The following PLAA variants were observed in gnomAD, a reference collection of about 807,000 sequenced individuals.
PLAA encodes the protein phospholipase A-2-activating protein.
PLAA carries 48 observed loss-of-function variants against 84.1 expected under a neutral mutation model. The ratio of observed to expected loss-of-function variants is 0.57; its 90% CI spans 0.45 to 0.73. The LOEUF is 0.73. Ranked by LOEUF, PLAA falls within the 30% of genes least tolerant of loss-of-function variation. PLAA has a pLI of 0.00. For synonymous variants in PLAA, 392 were observed against 336.6 expected (o/e 1.16, Z -1.80); for missense variants, 903 against 954.7 (o/e 0.95, Z 0.71).
At position 26,905,153 on chromosome 9, in the gene PLAA, T is replaced by C. The variant is rs181891313; in HGVS notation, c.*358A>G. The C allele has an allele frequency of 2.8e-3, 515 of 182,054 alleles. 2 individuals are homozygous for C. Among genetic ancestry groups the C allele is most frequent in the Middle Eastern group, 0.013 (5 of 400 alleles). 11.3% of individuals were successfully genotyped at this position (182,054 alleles called of 1,614,324 possible). ...GGTGGAGAAGTTAAATAAAAGATAA[T>C]TGACAACAACAGTTTGGTGTACATT... On this transcript the variant is annotated 3_prime_UTR_variant, in exon 14 of 14. Transcript: ENST00000397292.
intron 13 of PLAA, among the ~76,000 whole-genome samples, chr9:26,906,417 A>G (rs1824237364): frequency 1.4e-5 from 2 of 147,944 alleles, no homozygotes; most frequent in African/African-American, 5.0e-5. Flanking sequence ...TTAAACAGGG[A>G]AAGTTCTTTT....
intron 11 of PLAA, among the ~76,000 whole-genome samples, chr9:26,912,371 T>C (rs1399359462): frequency 6.6e-6 from 1 of 152,110 alleles, no homozygotes; most frequent in East Asian, 1.9e-4. Flanking sequence ...ATGAGGAATG[T>C]GGGGCAAGGC....
At position 26,910,428 on chromosome 9, in the gene PLAA, A is replaced by G. The variant is rs373582820; in HGVS notation, c.1567T>C (p.Tyr523His). 13 of 1,611,064 alleles carry G rather than the reference A, an allele frequency of 8.1e-6. 1 individual carries two copies. The African/African-American group carries it at 1.6e-4, about 20-fold the overall frequency. Residue 523 changes from tyrosine (Y) to histidine (H), a missense_variant, in exon 12 of 14, where the codon TAC becomes CAC. Coordinates refer to ENST00000397292, the MANE Select transcript of PLAA (RefSeq NM_001031689.3). ...GVDPFTGNSAYRSAASKTMNI... is the reference protein window; with the variant it reads ...GVDPFTGNSAHRSAASKTMNI... ...ATTGTTTTAGATGCAGCTGATCGGT[A>G]GGCACTATTCCCTATTTAAAGAATA...
intron 10 of PLAA, chr9:26,916,611 C>T: frequency 1.0e-6 from 1 of 989,036 alleles, no homozygotes; most frequent in South Asian, 4.7e-5. Flanking sequence ...CATCCAATAT[C>T]AGGGCTCACA....
At chr9:26,906,831 T>C (rs544301565) in intron 13 of PLAA, among the ~76,000 whole-genome samples, 1 of 152,114 alleles carries the variant, frequency 6.6e-6, no homozygotes, top group African/African-American at 2.4e-5. Flanking sequence ...TCTGAATGAA[T>C]GCACAAAATA....
rs1298236500 is a variant in PLAA, at chr9:26,904,920, T to C, written c.*591A>G. ...TACATGACTAACACAGCTTACCAAC[T>C]GGCTTTTTCTTCATCTAAAAATAGG... On this transcript the variant is annotated 3_prime_UTR_variant, in exon 14 of 14. Coordinates refer to ENST00000397292, the MANE Select transcript of PLAA (RefSeq NM_001031689.3). The C allele has an allele frequency of 1.3e-5, 2 of 152,196 alleles. No homozygotes were observed. The highest frequency in any genetic ancestry group is 2.9e-5 in the Non-Finnish European group (2 of 67,996). 9.4% of individuals were successfully genotyped at this position (152,196 alleles called of 1,614,324 possible).
intron 1 of PLAA, 129 bp from the exon 2 acceptor site, chr9:26,935,335 A>G (rs1169430834): frequency 1.2e-5 from 6 of 500,282 alleles, no homozygotes; most frequent in Non-Finnish European, 1.7e-5. Context: ...TTAAGAATCT[A>G]TTGTTTTAAA....
chr9:26,935,281 C>T (rs1179609230), intron 1 of PLAA, 75 bp from the exon 2 acceptor site: 2 of 905,572 alleles, frequency 2.2e-6, no homozygotes, highest in African/African-American at 3.5e-5. Flanking sequence ...TCAAAGCACT[C>T]ATTTTCATTT....
Position 26,935,150 on chromosome 9 carries a change from G to C in PLAA, c.206C>G (p.Ser69Cys), listed in dbSNP as rs778026029. The change falls in exon 2 of 14, where the codon TCT (serine) becomes TGT (cysteine). Residue 69 changes from serine to cysteine, a missense_variant. Transcript: ENST00000397292. ...HCMSGHSNFV[S>C]CVCIIPSSDI... Reference sequence around the variant, plus strand: ...ACTTGAGGGTATGATGCATACACAAGATACAAAATTGGAATGGCCACTCAT... The same window carrying C: ...ACTTGAGGGTATGATGCATACACAACATACAAAATTGGAATGGCCACTCAT... The C allele has an allele frequency of 1.9e-6, 3 of 1,598,112 alleles. No individual in the cohort carries two copies. The highest frequency in any genetic ancestry group is 2.3e-5 in the South Asian group (2 of 87,306).
chr9:26,914,073 G>A (rs1824480808), intron 10 of PLAA, 126 bp from the exon 11 acceptor site: 2 of 646,024 alleles, frequency 3.1e-6, no homozygotes, highest in East Asian at 2.7e-5. Context: ...TAATAAATAT[G>A]CCACAAATTT....
At position 26,946,911 on chromosome 9, in the gene PLAA, G is replaced by A. The variant is rs760231642; in HGVS notation, c.135C>T (p.Leu45=). 1.8e-5 allele frequency: 29 copies of A among 1,577,452 alleles called. No homozygotes were observed. Among genetic ancestry groups the A allele is most frequent in the Non-Finnish European group, 2.3e-5 (27 of 1,160,906 alleles). ...VSVSRDRTTR[L]WAPDSPNRSF... ...CCAGCGCTCACCTGTCTGGGGCCCA[G>A]AGGCGGGTGGTGCGGTCTCGGGACA... Residue 45 remains leucine (L), a synonymous_variant, in exon 1 of 14, where the codon CTC becomes CTT. Coordinates refer to ENST00000397292, the MANE Select transcript of PLAA (RefSeq NM_001031689.3).
intron 2 of PLAA, among the ~76,000 whole-genome samples, chr9:26,929,064 C>T (rs922665956): frequency 1.3e-5 from 2 of 151,850 alleles, no homozygotes; most frequent in African/African-American, 4.8e-5. Flanking sequence ...CTGGGTGTGG[C>T]GGTATGCGCC....
intron 10 of PLAA, chr9:26,916,053 T>C (rs1332511847): frequency 4.1e-6 from 4 of 985,312 alleles, no homozygotes; most frequent in Non-Finnish European, 3.6e-6. Context: ...ATTATTTTCA[T>C]TTACTTGTTA....
At chr9:26,938,562 A>G (rs1367266821) in intron 1 of PLAA, among the ~76,000 whole-genome samples, 1 of 151,602 alleles carries the variant, frequency 6.6e-6, no homozygotes, top group Non-Finnish European at 1.5e-5. Flanking sequence ...CTTAAAAAAA[A>G]AAAAAAAAAA....
At chr9:26,927,403 G>A (rs986128176) in intron 4 of PLAA, among the ~76,000 whole-genome samples, 3 of 152,090 alleles carry the variant, frequency 2.0e-5, no homozygotes, top group African/African-American at 7.2e-5. Flanking sequence ...GATTACAGTT[G>A]TGAGTCACTG....
chr9:26,939,425 A>G (rs1825455025), intron 1 of PLAA, among the ~76,000 whole-genome samples: 1 of 150,902 alleles, frequency 6.6e-6, no homozygotes, highest in African/African-American at 2.4e-5. Flanking sequence ...ATAAACAAAC[A>G]TATAAATAAA....
At chr9:26,916,240 C>G (rs976833832) in intron 10 of PLAA, 2 of 985,358 alleles carry the variant, frequency 2.0e-6, no homozygotes, top group Non-Finnish European at 2.4e-6. Flanking sequence ...CAGTACCAGT[C>G]TGCAAGGCCA....
chr9:26,906,366 G>C (rs1183280678), intron 13 of PLAA, among the ~76,000 whole-genome samples: 1 of 151,512 alleles, frequency 6.6e-6, no homozygotes, highest in Non-Finnish European at 1.5e-5. Flanking sequence ...AAAGAATGGG[G>C]TGCAGACTTT....
At chr9:26,910,942 C>A (rs1191623469) in intron 11 of PLAA, among the ~76,000 whole-genome samples, 6 of 152,118 alleles carry the variant, frequency 3.9e-5, no homozygotes, top group Non-Finnish European at 5.9e-5. Flanking sequence ...TCTTTTACTG[C>A]TTATTCCAAA....
Sources: gnomAD v4.1 joint callset for allele counts (sites outside exome capture counted in the v4.1 genomes callset) on GRCh38, gnomAD v4.1.1 for gene constraint, MANE v1.5 for transcripts, NCBI Gene and HGNC (gene_info 2026-07-23, HGNC 2026-07-21) for gene names.